The following FSTL5 variants were observed in gnomAD, a reference collection of about 807,000 sequenced individuals.
The protein encoded by FSTL5 is follistatin like 5.
Under a neutral mutation model 89.1 loss-of-function variants are expected in FSTL5, and 62 were observed. The observed-to-expected ratio is 0.70, with a 90% CI of 0.57 to 0.86. FSTL5 has a LOEUF of 0.86. FSTL5 is among the 40% of genes least tolerant of loss of function. The pLI is 0.00. For missense variants in FSTL5, 1,057 were observed against 1,001.6 expected, an observed-to-expected ratio of 1.06 and a Z score of -0.75; for synonymous variants, 383 against 346.2, an observed-to-expected ratio of 1.11 and a Z score of -1.18.
intron 7 of FSTL5, among the ~76,000 whole-genome samples, chr4:161,642,181 T>G (rs758135349): frequency 3.3e-5 from 5 of 152,212 alleles, no homozygotes; most frequent in Admixed American, 6.5e-5. Flanking sequence ...TTTTTGTGTG[T>G]GTGTAGTGAG....
At chr4:161,658,415 T>C (rs529328018) in intron 6 of FSTL5, among the ~76,000 whole-genome samples, 7 of 151,588 alleles carry the variant, frequency 4.6e-5, no homozygotes, top group African/African-American at 1.2e-4. Flanking sequence ...GCCAAGATCA[T>C]GCCACTGCAC....
At chr4:161,652,612 A>G (rs1736379400) in intron 7 of FSTL5, among the ~76,000 whole-genome samples, 1 of 152,196 alleles carries the variant, frequency 6.6e-6, no homozygotes, top group Admixed American at 6.5e-5. Flanking sequence ...GTACATGTAT[A>G]CACACGGGAT....
chr4:161,814,748 G>A (rs1730271886), intron 4 of FSTL5, among the ~76,000 whole-genome samples: 1 of 152,014 alleles, frequency 6.6e-6, no homozygotes, highest in Admixed American at 6.6e-5. Flanking sequence ...ATATCCTGCT[G>A]CCAAAAAGAT....
chr4:161,601,198 G>T (rs1734220148), intron 7 of FSTL5, among the ~76,000 whole-genome samples: 1 of 152,010 alleles, frequency 6.6e-6, no homozygotes, highest in South Asian at 2.1e-4. Context: ...GGGCAGGAGA[G>T]GCATTCCTCA....
chr4:161,890,573 A>G (rs1732953773), intron 4 of FSTL5, among the ~76,000 whole-genome samples: 1 of 151,450 alleles, frequency 6.6e-6, no homozygotes, highest in Non-Finnish European at 1.5e-5. Context: ...CTATAACCCC[A>G]GCTACTCAGG....
chr4:161,681,876 G>T (rs1310344182), intron 6 of FSTL5, among the ~76,000 whole-genome samples: 1 of 152,006 alleles, frequency 6.6e-6, no homozygotes, highest in Non-Finnish European at 1.5e-5. Flanking sequence ...TAATGACAGC[G>T]ATACTTTCTT....
intron 2 of FSTL5, among the ~76,000 whole-genome samples, chr4:162,068,501 C>A (rs1400028281): frequency 6.6e-6 from 1 of 151,994 alleles, no homozygotes; most frequent in Non-Finnish European, 1.5e-5. Flanking sequence ...TAGCCATATG[C>A]AGAAAATTGA....
intron 6 of FSTL5, among the ~76,000 whole-genome samples, chr4:161,755,781 T>G (rs1740548588): frequency 6.6e-6 from 1 of 152,102 alleles, no homozygotes; most frequent in Admixed American, 6.5e-5. Context: ...CAAAGGTACA[T>G]AATACATGAT....
At position 161,558,750 on chromosome 4, in the gene FSTL5, T is replaced by C. The variant is rs886487419; in HGVS notation, c.1016-16057A>G. Reference sequence around the variant, plus strand: ...CTTCTAGTAAAAATAGCATGCTTCCTATAAGTTCATTTGAAAGCAATGAAG... The same window carrying C: ...CTTCTAGTAAAAATAGCATGCTTCCCATAAGTTCATTTGAAAGCAATGAAG... On this transcript the variant is annotated intron_variant, in intron 8 of 15. Transcript: ENST00000306100. 5.9e-5 allele frequency among the ~76,000 whole-genome samples: 9 copies of C among 151,922 alleles called. No individual in the cohort carries two copies. The South Asian group carries it at 1.2e-3, about 21-fold the overall frequency.
intron 4 of FSTL5, among the ~76,000 whole-genome samples, chr4:161,785,819 G>T (rs956212088): frequency 6.6e-6 from 1 of 152,072 alleles, no homozygotes; most frequent in African/African-American, 2.4e-5. Context: ...GGTGTTAAAA[G>T]TCCATGTTTA....
Position 161,557,229 on chromosome 4 carries a change from T to C in FSTL5, c.1016-14536A>G, listed in dbSNP as rs148015481. Among the ~76,000 whole-genome samples, 54 of 151,604 alleles carry C rather than the reference T, an allele frequency of 3.6e-4. No homozygotes were observed. In the East Asian group the frequency reaches 9.8e-3, roughly 27 times the overall value. On this transcript the variant is annotated intron_variant, in intron 8 of 15. Transcript: ENST00000306100. ...TAAAAGAGCAGCCTTAAAAATTATA[T>C]ATAAATCATAATAAGCCTAAAACTT...
At chr4:161,735,753 G>GT (rs1016886756) in intron 6 of FSTL5, among the ~76,000 whole-genome samples, 11 of 152,078 alleles carry the variant, frequency 7.2e-5, no homozygotes, top group Non-Finnish European at 1.5e-5. Flanking sequence ...AGAGATTGTA[G>GT]TTTTTTTGTG....
chr4:162,082,058 A>C (rs1008759801), intron 2 of FSTL5, among the ~76,000 whole-genome samples: 1 of 151,758 alleles, frequency 6.6e-6, no homozygotes, highest in Non-Finnish European at 1.5e-5. Context: ...TCTTTTAAAA[A>C]TAGAATTATT....
chr4:161,591,140 T>G (rs2126611241), intron 7 of FSTL5, among the ~76,000 whole-genome samples: 1 of 152,342 alleles, frequency 6.6e-6, no homozygotes, highest in East Asian at 1.9e-4. Flanking sequence ...TGAATAAACC[T>G]TTCTTTTCAG....
chr4:161,717,887 T>A (rs1164162197), intron 6 of FSTL5, among the ~76,000 whole-genome samples: 2 of 152,182 alleles, frequency 1.3e-5, no homozygotes, highest in Non-Finnish European at 2.9e-5. Context: ...TACAATAGGT[T>A]ATAGTTATTA....
At chr4:161,866,576 G>C (rs1248444995) in intron 4 of FSTL5, among the ~76,000 whole-genome samples, 1 of 149,780 alleles carries the variant, frequency 6.7e-6, no homozygotes, top group Non-Finnish European at 1.5e-5. Context: ...AACTCTTTAA[G>C]ATAGGGACTG....
At chr4:161,484,185 T>A (rs923670062) in intron 12 of FSTL5, among the ~76,000 whole-genome samples, 1 of 152,150 alleles carries the variant, frequency 6.6e-6, no homozygotes, top group Non-Finnish European at 1.5e-5. Flanking sequence ...TTAGACTAAT[T>A]ACCTATTAAA....
intron 13 of FSTL5, among the ~76,000 whole-genome samples, chr4:161,473,552 C>A (rs1734023211): frequency 6.6e-6 from 1 of 151,548 alleles, no homozygotes; most frequent in African/African-American, 2.4e-5. Flanking sequence ...ACTCAGCTTC[C>A]CAAGTATGTG....
At chr4:161,992,969 T>C (rs924650376) in intron 3 of FSTL5, among the ~76,000 whole-genome samples, 5 of 135,216 alleles carry the variant, frequency 3.7e-5, no homozygotes, top group South Asian at 2.3e-4. Flanking sequence ...TATATGTGTG[T>C]ATATATATAT....
Sources: allele counts gnomAD v4.1 joint callset (sites outside exome capture counted in the v4.1 genomes callset), GRCh38; gene constraint gnomAD v4.1.1; transcripts MANE v1.5; gene names NCBI Gene and HGNC (gene_info 2026-07-23, HGNC 2026-07-21).